Variants in RCOR1 observed in about 807,000 individuals in gnomAD.
The protein encoded by RCOR1 is REST corepressor 1.
Under a neutral mutation model 64.0 loss-of-function variants are expected in RCOR1, and 12 were observed. The ratio of observed to expected loss-of-function variants is 0.19; its 90% confidence interval spans 0.12 to 0.30. The LOEUF (loss-of-function observed/expected upper bound fraction) is 0.30, where lower values mean the gene tolerates loss of function less well. Among genes scored for constraint, RCOR1 ranks in the 10% least tolerant of loss-of-function variants. The pLI, the probability that RCOR1 is intolerant of heterozygous loss-of-function variation, is 1.00. For synonymous variants in RCOR1, 279 were observed against 227.2 expected (o/e 1.23, Z -2.05); for missense variants, 502 against 621.2 (o/e 0.81, Z 2.04).
intron 11 of RCOR1, among the ~76,000 whole-genome samples, chr14:102,723,070 C>A (rs1047582666): frequency 1.3e-5 from 2 of 152,218 alleles, no homozygotes; most frequent in Admixed American, 6.5e-5. Flanking sequence ...CTTGCTGTTA[C>A]ATTTGTCCCT....
At chr14:102,707,558 A>T in intron 5 of RCOR1, 46 bp downstream of exon 5, 2 of 1,475,054 alleles carry the variant, frequency 1.4e-6, no homozygotes, top group Non-Finnish European at 1.8e-6. Context: ...CTCCTATCTA[A>T]CTCTCTTTTG....
intron 2 of RCOR1, among the ~76,000 whole-genome samples, chr14:102,609,125 A>C (rs547087426): frequency 1.4e-5 from 2 of 145,916 alleles, no homozygotes; most frequent in Admixed American, 7.0e-5. Flanking sequence ...AGCTCACTGC[A>C]ACCTCTGCCT....
At chr14:102,669,294 A>G (rs1272843819) in intron 2 of RCOR1, among the ~76,000 whole-genome samples, 1 of 147,302 alleles carries the variant, frequency 6.8e-6, no homozygotes, top group African/African-American at 2.6e-5. Flanking sequence ...AGGCAACAAG[A>G]GTGAAACTCG....
At position 102,701,315 on chromosome 14, in the gene RCOR1, G is replaced by T; in HGVS notation, c.483G>T (p.Gly161=). 2 of 1,611,242 alleles carry T rather than the reference G, an allele frequency of 1.2e-6. No individual in the cohort carries two copies. The highest frequency in any genetic ancestry group is 1.7e-6 in the Non-Finnish European group (2 of 1,178,622). The change falls in exon 4 of 12, where the codon GGG becomes GGT. Residue 161 remains glycine (G), a synonymous_variant. Coordinates refer to ENST00000262241, the MANE Select transcript of RCOR1 (RefSeq NM_015156.4). ...EYIAIAKEKH[G]YNMEQALGML... ...TTGCCATTGCCAAAGAAAAGCATGGGTACAACATGGAACAGGTAATATCAT... is the reference window on the plus strand; with the variant it reads ...TTGCCATTGCCAAAGAAAAGCATGGTTACAACATGGAACAGGTAATATCAT...
intron 2 of RCOR1, among the ~76,000 whole-genome samples, chr14:102,595,108 C>T (rs1893215334): frequency 6.6e-6 from 1 of 152,212 alleles, no homozygotes; most frequent in Non-Finnish European, 1.5e-5. Flanking sequence ...TGGAGTTATA[C>T]TTTTCTTTGA....
chr14:102,598,118 C>T (rs1186886478), intron 2 of RCOR1, among the ~76,000 whole-genome samples: 1 of 151,722 alleles, frequency 6.6e-6, no homozygotes, highest in East Asian at 1.9e-4. Context: ...CACTGCGCAG[C>T]CCTAATTTTG....
At chr14:102,598,979 T>A (rs1285594256) in intron 2 of RCOR1, among the ~76,000 whole-genome samples, 1 of 152,156 alleles carries the variant, frequency 6.6e-6, no homozygotes, top group Non-Finnish European at 1.5e-5. Context: ...TGCCGCAGAT[T>A]ATGCTGAGTT....
intron 6 of RCOR1, among the ~76,000 whole-genome samples, chr14:102,709,995 C>T (rs566540336): frequency 1.3e-5 from 2 of 152,246 alleles, no homozygotes; most frequent in Non-Finnish European, 2.9e-5. Context: ...TTTTGGGATG[C>T]GGGGATGGAG....
chr14:102,726,589 G>A lies in RCOR1; in HGVS notation c.*83G>A. The A allele has an allele frequency of 1.8e-6, 2 of 1,138,264 alleles. No homozygotes were observed. Among genetic ancestry groups the A allele is most frequent in the Non-Finnish European group, 2.6e-6 (2 of 774,550 alleles). The allele number at this position is 1,138,264 out of a possible 1,614,324, so 70.5% of individuals were successfully genotyped here. ...ATTATGAGACATCACCTAGCCATCT[G>A]CATCACATCTCTCTGGACAAGCAGC... On this transcript the variant is annotated 3_prime_UTR_variant, in exon 12 of 12. Transcript: ENST00000262241.
chr14:102,660,792 G>A (rs1894811700), intron 2 of RCOR1, among the ~76,000 whole-genome samples: 2 of 152,120 alleles, frequency 1.3e-5, no homozygotes. Flanking sequence ...TACTATACTG[G>A]TATGCTGATA....
chr14:102,632,708 TTTTCCTTTCC>T (rs1445800426), intron 2 of RCOR1, among the ~76,000 whole-genome samples: 3 of 113,622 alleles, frequency 2.6e-5, no homozygotes, highest in African/African-American at 7.2e-5. Flanking sequence ...TTTCCTTTCC[TTTTCCTTTCC>T]TTTCCTTTCT....
chr14:102,643,259 G>C, intron 2 of RCOR1: 1 of 750,112 alleles, frequency 1.3e-6, no homozygotes, highest in Non-Finnish European at 1.6e-6. Context: ...ACTCCAGCCT[G>C]GGCGACAGAG....
At chr14:102,717,329 T>A (rs1312465125) in intron 8 of RCOR1, among the ~76,000 whole-genome samples, 2 of 152,220 alleles carry the variant, frequency 1.3e-5, no homozygotes, top group Non-Finnish European at 2.9e-5. Context: ...AGACCAACTG[T>A]CATCTCATAG....
chr14:102,701,258 C>T lies in RCOR1; in HGVS notation c.446-20C>T, dbSNP rs535999299. On this transcript the variant is annotated intron_variant, in intron 3 of 11. Transcript: ENST00000262241. ...CTCTGTCCCTCAGTTTGTTTAATGG[C>T]ATCTCTTCTTGTTTTTCAGTGGATG... 1.2e-6 allele frequency: 2 copies of T among 1,606,144 alleles called. No homozygotes were observed. Among genetic ancestry groups the T allele is most frequent in the South Asian group, 1.1e-5 (1 of 90,878 alleles).
intron 6 of RCOR1, among the ~76,000 whole-genome samples, chr14:102,710,215 C>A (rs1194131027): frequency 6.6e-6 from 1 of 152,184 alleles, no homozygotes; most frequent in Non-Finnish European, 1.5e-5. Context: ...ATTCCAGAGG[C>A]AGTGCGAGGT....
chr14:102,624,192 T>C (rs1893933589), intron 2 of RCOR1, among the ~76,000 whole-genome samples: 1 of 141,746 alleles, frequency 7.1e-6, no homozygotes, highest in Admixed American at 7.2e-5. Context: ...GGAGACTCCG[T>C]CTCACATAAA....
intron 3 of RCOR1, among the ~76,000 whole-genome samples, chr14:102,692,069 A>AC (rs1895543964): frequency 2.0e-5 from 3 of 152,334 alleles, no homozygotes; most frequent in African/African-American, 7.2e-5. Flanking sequence ...GTGTTAGACC[A>AC]GTCTAGTGTG....
intron 2 of RCOR1, 106 bp from the exon 3 acceptor site, chr14:102,681,789 C>G: frequency 1.3e-6 from 1 of 768,294 alleles, no homozygotes; most frequent in Non-Finnish European, 2.2e-6. Flanking sequence ...CCCATTGGGC[C>G]AGATACAGGT....
At chr14:102,667,915 G>A (rs1894948108) in intron 2 of RCOR1, among the ~76,000 whole-genome samples, 1 of 152,186 alleles carries the variant, frequency 6.6e-6, no homozygotes, top group South Asian at 2.1e-4. Context: ...GCTGTGTCAA[G>A]ATGCTTTTTG....
Sources: allele counts gnomAD v4.1 joint callset (sites outside exome capture counted in the v4.1 genomes callset), GRCh38; gene constraint gnomAD v4.1.1; transcripts MANE v1.5; gene names NCBI Gene and HGNC (gene_info 2026-07-23, HGNC 2026-07-21).